The following PRKN variants were observed in gnomAD, a reference collection of about 807,000 sequenced individuals.
PRKN encodes parkin RBR E3 ubiquitin protein ligase, also known as E3 ubiquitin-protein ligase parkin.
In PRKN, 56 loss-of-function variants were observed where a neutral mutation model predicts 59.5. The observed-to-expected ratio is 0.94, with a 90% CI of 0.76 to 1.18. The LOEUF is 1.18. PRKN is among the 50% of genes most tolerant of loss of function. PRKN has a pLI of 0.00. For synonymous variants in PRKN, 250 were observed against 222.1 expected (o/e 1.13, Z -1.12); for missense variants, 657 against 596.4 (o/e 1.10, Z -1.06).
Position 161,760,085 on chromosome 6 carries a change from A to AAG in PRKN, c.871+25686_871+25687insCT, listed in dbSNP as rs1051177231. 2.8e-4 allele frequency among the ~76,000 whole-genome samples: 43 copies of AAG among 151,116 alleles called. 1 individual carries two copies. Among genetic ancestry groups the AAG allele is most frequent in the African/African-American group, 1.0e-3 (43 of 41,172 alleles). ...ACACAGCTCGTTCTTAAAAAAAAAA[A>AAG]AAATCCGGTGGTCACAATGTCAATT... On this transcript the variant is annotated intron_variant, in intron 7 of 11. Transcript: ENST00000366898.
In PRKN at chr6:162,727,677, G is replaced by T. The variant is rs549204834; in HGVS notation, c.-9C>A. ...ACCCACGTACCTATCATGGTCACTGGGTAGGTGGCGGCTGCGGGCCAGGAA... is the reference window on the plus strand; with the variant it reads ...ACCCACGTACCTATCATGGTCACTGTGTAGGTGGCGGCTGCGGGCCAGGAA... On this transcript the variant is annotated 5_prime_UTR_variant, in exon 1 of 12. Transcript: ENST00000366898. The T allele has an allele frequency of 5.1e-6, 8 of 1,577,904 alleles. No homozygotes were observed. In the South Asian group the frequency reaches 6.9e-5, roughly 14 times the overall value.
chr6:161,899,606 T>G (rs971554768), intron 6 of PRKN, among the ~76,000 whole-genome samples: 2 of 152,170 alleles, frequency 1.3e-5, no homozygotes. Flanking sequence ...ACAAAGATAT[T>G]TCCCACTGCC....
chr6:162,206,173 G>A (rs1406449239), intron 3 of PRKN, among the ~76,000 whole-genome samples: 1 of 152,070 alleles, frequency 6.6e-6, no homozygotes, highest in African/African-American at 2.4e-5. Flanking sequence ...TTCTTGAGAC[G>A]CACCTGGACA....
chr6:161,708,818 C>T (rs950662653), intron 7 of PRKN, among the ~76,000 whole-genome samples: 3 of 152,218 alleles, frequency 2.0e-5, no homozygotes, highest in African/African-American at 7.2e-5. Context: ...GCCCACATGG[C>T]TACGAATAAT....
Position 161,431,981 on chromosome 6 carries a change from T to C in PRKN, c.1084-45104A>G, listed in dbSNP as rs373515848. Among the ~76,000 whole-genome samples the C allele has an allele frequency of 9.1e-4, 139 of 152,368 alleles. 2 individuals carry two copies. Among genetic ancestry groups the C allele is most frequent in the African/African-American group, 3.3e-3 (136 of 41,582 alleles). On this transcript the variant is annotated intron_variant, in intron 9 of 11. Transcript: ENST00000366898. ...TCACTTTCTTGACAATGTTTGATCA[T>C]GAATAAAGTTATTTCTCTTTATTAC...
At chr6:162,724,016 T>C (rs781089382) in intron 1 of PRKN, among the ~76,000 whole-genome samples, 7 of 152,196 alleles carry the variant, frequency 4.6e-5, no homozygotes, top group African/African-American at 7.2e-5. Flanking sequence ...ACTGACAACA[T>C]TGTTGTATAT....
intron 1 of PRKN, among the ~76,000 whole-genome samples, chr6:162,611,970 G>C (rs1368816642): frequency 1.3e-5 from 2 of 151,804 alleles, no homozygotes; most frequent in African/African-American, 2.4e-5. Flanking sequence ...CGTATCATAA[G>C]GTCAGGAGAT....
rs112869251 is a variant in PRKN at position 161,906,661 on chromosome 6, T to C, written c.734+66641A>G. On this transcript the variant is annotated intron_variant, in intron 6 of 11. Transcript: ENST00000366898. ...AGGGACAAATCTAATAGAACATACATATATATATATATATGTATATATGAG... is the reference window on the plus strand; with the variant it reads ...AGGGACAAATCTAATAGAACATACACATATATATATATATGTATATATGAG... Among the ~76,000 whole-genome samples the C allele has an allele frequency of 1.9e-4, 20 of 107,714 alleles. No homozygotes were observed. In the South Asian group the frequency reaches 5.2e-3, roughly 28 times the overall value. The allele number at this position is 107,714 out of a possible 152,430, so 70.7% of individuals were successfully genotyped here.
At chr6:161,416,366 G>C (rs558678224) in intron 9 of PRKN, among the ~76,000 whole-genome samples, 5 of 152,198 alleles carry the variant, frequency 3.3e-5, no homozygotes, top group South Asian at 2.1e-4. Flanking sequence ...GCACACACTG[G>C]GGGGCAGGAA....
chr6:162,661,353 T>C (rs928175865), intron 1 of PRKN, among the ~76,000 whole-genome samples: 2 of 152,194 alleles, frequency 1.3e-5, no homozygotes, highest in African/African-American at 4.8e-5. Context: ...AAGTTTCTAA[T>C]GTAATTTCTG....
intron 6 of PRKN, among the ~76,000 whole-genome samples, chr6:161,843,389 A>G (rs1309572049): frequency 6.6e-6 from 1 of 152,228 alleles, no homozygotes; most frequent in African/African-American, 2.4e-5. Context: ...TAGCAGTTAT[A>G]GTTATTCTCT....
intron 6 of PRKN, among the ~76,000 whole-genome samples, chr6:161,912,576 G>T (rs1048488259): frequency 6.6e-6 from 1 of 152,032 alleles, no homozygotes; most frequent in Non-Finnish European, 1.5e-5. Flanking sequence ...AACACAGCAC[G>T]TGGAGAGGTG....
chr6:161,425,727 A>G (rs768667603), intron 9 of PRKN, among the ~76,000 whole-genome samples: 8 of 152,170 alleles, frequency 5.3e-5, no homozygotes, highest in Non-Finnish European at 1.2e-4. Flanking sequence ...AAATGTTTGT[A>G]AAGTATTATG....
chr6:161,801,370 G>T (rs893547169), intron 6 of PRKN, among the ~76,000 whole-genome samples: 65 of 152,186 alleles, frequency 4.3e-4, no homozygotes, highest in African/African-American at 1.5e-3. Context: ...TTTAGTTCAC[G>T]GTTCTTTCGG....
At chr6:162,057,060 A>G (rs1283735489) in intron 4 of PRKN, among the ~76,000 whole-genome samples, 4 of 151,486 alleles carry the variant, frequency 2.6e-5, no homozygotes, top group African/African-American at 7.3e-5. Flanking sequence ...CTGAATCTGG[A>G]GGGGGGAGGT....
rs1010729295 is a variant in PRKN, at chr6:161,561,057, C to T, written c.933+8298G>A. ...ACCACAAACTTCAAATGGGCATTTA[C>T]AACTTCCTCAAGATTGTATTGTGTT... On this transcript the variant is annotated intron_variant, in intron 8 of 11. Transcript: ENST00000366898. The surrounding 1 kb of genome is among the most constrained non-coding windows in gnomAD (Gnocchi z 5.0). Among the ~76,000 whole-genome samples the T allele has an allele frequency of 6.6e-6, 1 of 152,168 alleles. No homozygotes were observed. Among genetic ancestry groups the T allele is most frequent in the Non-Finnish European group, 1.5e-5 (1 of 68,020 alleles).
rs111595639 is a variant in PRKN at position 162,024,194 on chromosome 6, C to CTTTTTTTTT, written c.618+29888_618+29896dup. 6.1e-5 allele frequency among the ~76,000 whole-genome samples: 5 copies of CTTTTTTTTT among 82,062 alleles called. 1 individual carries two copies. The highest frequency in any genetic ancestry group is 3.8e-4 in the Admixed American group (2 of 5,250). The allele number at this position is 82,062 out of a possible 152,430, so 53.8% of individuals were successfully genotyped here. On this transcript the variant is annotated intron_variant, in intron 5 of 11. Coordinates refer to ENST00000366898, the MANE Select transcript of PRKN (RefSeq NM_004562.3). Reference sequence around the variant, plus strand: ...CCCTTCCTCCCTCCCTCCCCCAACCCTTTTTTTTTTTTTTTTTTTTTTTGA... The same window carrying CTTTTTTTTT: ...CCCTTCCTCCCTCCCTCCCCCAACCCTTTTTTTTTTTTTTTTTTTTTTTTTTTTTTTTGA...
At chr6:162,304,539 CTATCTATTT>C (rs1562655156) in intron 2 of PRKN, among the ~76,000 whole-genome samples, 2,914 of 118,058 alleles carry the variant, frequency 0.025, 179 homozygotes, top group African/African-American at 0.095. Flanking sequence ...ATCTATCTAT[CTATCTATTT>C]ATCCATCTGT....
At chr6:161,513,598 T>C (rs1778480853) in intron 9 of PRKN, among the ~76,000 whole-genome samples, 1 of 151,160 alleles carries the variant, frequency 6.6e-6, no homozygotes, top group Admixed American at 6.6e-5. Context: ...TGAAGGTAAA[T>C]GTGGGCAAGG....
Sources: gnomAD v4.1 joint callset for allele counts (sites outside exome capture counted in the v4.1 genomes callset) on GRCh38, gnomAD v4.1.1 for gene constraint, Gnocchi (gnomAD v3.1) non-coding constraint, MANE v1.5 for transcripts, NCBI Gene and HGNC (gene_info 2026-07-23, HGNC 2026-07-21) for gene names.